The following SARDH variants were observed in gnomAD, a reference collection of about 807,000 sequenced individuals.
The protein encoded by SARDH is sarcosine dehydrogenase, mitochondrial.
In SARDH, 95 loss-of-function variants were observed where a neutral mutation model predicts 109.1. The observed-to-expected ratio is 0.87, with a 90% CI of 0.74 to 1.03. The LOEUF (loss-of-function observed/expected upper bound fraction) is 1.03. Among genes scored for constraint, SARDH ranks in the 50% least tolerant of loss-of-function variants. SARDH has a pLI of 0.00. For missense variants in SARDH, 1,267 were observed against 1,287.8 expected, an observed-to-expected ratio of 0.98 and a Z score of 0.25; for synonymous variants, 572 against 534.8, an observed-to-expected ratio of 1.07 and a Z score of -0.96.
upstream of SARDH, among the ~76,000 whole-genome samples, chr9:133,738,910 G>A (rs1218704248): frequency 6.6e-6 from 1 of 152,198 alleles, no homozygotes; most frequent in Non-Finnish European, 1.5e-5. Context: ...AGACCCCTCT[G>A]GTGTTTGGGG....
intron 20 of SARDH, 25 bp from the exon 21 acceptor site, chr9:133,664,039 A>G (rs1429581940): frequency 6.2e-7 from 1 of 1,612,914 alleles, no homozygotes; most frequent in East Asian, 2.2e-5. Context: ...GGGGATGAGG[A>G]TCACTCTCTG....
intron 17 of SARDH, among the ~76,000 whole-genome samples, chr9:133,683,841 C>A (rs566918203): frequency 6.6e-6 from 1 of 152,240 alleles, no homozygotes; most frequent in Non-Finnish European, 1.5e-5. Context: ...AAACCCCAGA[C>A]GAACATACAG....
At chr9:133,664,146 ACTCCTTTC>A in intron 20 of SARDH, 132 bp from the exon 21 acceptor site, 1 of 1,234,390 alleles carries the variant, frequency 8.1e-7, no homozygotes, top group Non-Finnish European at 1.1e-6. Context: ...TGTGCCAGGG[ACTCCTTTC>A]TGAACCCAGG....
chr9:133,708,374 A>G lies in SARDH; in HGVS notation c.1383T>C (p.His461=). 6.2e-7 allele frequency: 1 copy of G among 1,613,074 alleles called. No individual in the cohort carries two copies. The highest frequency in any genetic ancestry group is 1.1e-5 in the South Asian group (1 of 91,060). ...CGGAGTAGTTCTTGGCGTAGGACTC[A>G]TGGCTTCGCTCTCGGATCCAGCGGG... ...DHPRWIRERS[H]ESYAKNYSVV... is the part of the protein sequence containing the mutation. Residue 461 remains histidine (H), a synonymous_variant, in exon 11 of 21, where the codon CAT becomes CAC. Coordinates refer to ENST00000439388, the MANE Select transcript of SARDH (RefSeq NM_001134707.2).
At chr9:133,685,171 G>A (rs980036362) in intron 17 of SARDH, 22 bp downstream of exon 17, 2 of 1,609,590 alleles carry the variant, frequency 1.2e-6, no homozygotes, top group Non-Finnish European at 1.7e-6. Flanking sequence ...CGACCCAGAG[G>A]ACGTGGCCAG....
At chr9:133,702,392 A>T (rs1280992725) in intron 13 of SARDH, among the ~76,000 whole-genome samples, 1 of 152,196 alleles carries the variant, frequency 6.6e-6, no homozygotes, top group Non-Finnish European at 1.5e-5. Context: ...CCCACTTTGG[A>T]GCCAGAGGAA....
Position 133,709,256 on chromosome 9 carries a change from C to G in SARDH, c.1329-828G>C, listed in dbSNP as rs944488449. Among the ~76,000 whole-genome samples, 3 of 152,174 alleles carry G rather than the reference C, an allele frequency of 2.0e-5. No homozygotes were observed. The highest frequency in any genetic ancestry group is 2.4e-5 in the African/African-American group (1 of 41,438). On this transcript the variant is annotated intron_variant, in intron 10 of 20. Coordinates refer to ENST00000439388, the MANE Select transcript of SARDH (RefSeq NM_001134707.2). The surrounding 1 kb of genome is among the most constrained non-coding windows in gnomAD (Gnocchi z 4.2). Reference sequence around the variant, plus strand: ...CTACGGAGCTCTGTGGCTGCACCTGCGGCCTAGGCCTCTGCTGCCCCTGAG... The same window carrying G: ...CTACGGAGCTCTGTGGCTGCACCTGGGGCCTAGGCCTCTGCTGCCCCTGAG...
rs1831147625 is a variant in SARDH at position 133,692,781 on chromosome 9, A to AGGGAACG, written c.1921+1476_1921+1477insCGTTCCC. Among the ~76,000 whole-genome samples, 1 of 152,124 alleles carries AGGGAACG rather than the reference A, an allele frequency of 6.6e-6. No individual in the cohort carries two copies. Among genetic ancestry groups the AGGGAACG allele is most frequent in the African/African-American group, 2.4e-5 (1 of 41,412 alleles). On this transcript the variant is annotated intron_variant, in intron 15 of 20. Coordinates refer to ENST00000439388, the MANE Select transcript of SARDH (RefSeq NM_001134707.2). The surrounding 1 kb of genome is among the most constrained non-coding windows in gnomAD (Gnocchi z 5.0). ...GTGATGACTGTTGAGGGAACGAGCG[A>AGGGAACG]AGGAACGAGCTCATGGATCCATGAG...
chr9:133,731,763 G>T (rs796755884), intron 3 of SARDH, among the ~76,000 whole-genome samples: 23 of 152,346 alleles, frequency 1.5e-4, no homozygotes, highest in African/African-American at 5.5e-4. Flanking sequence ...GCTCACTCAG[G>T]TGAAGTGGGG....
intron 17 of SARDH, among the ~76,000 whole-genome samples, chr9:133,681,639 G>T (rs1830698093): frequency 6.6e-6 from 1 of 152,200 alleles, no homozygotes; most frequent in South Asian, 2.1e-4. Flanking sequence ...AGTCTCTCGA[G>T]CGCTAGTGAG....
At chr9:133,731,250 A>T (rs2131505341) in intron 4 of SARDH, 55 bp downstream of exon 4, 3 of 1,594,092 alleles carry the variant, frequency 1.9e-6, no homozygotes, top group East Asian at 4.5e-5. Flanking sequence ...CAGGGTTCTA[A>T]GGCAGGAGGA....
chr9:133,701,181 C>T (rs551815731), intron 13 of SARDH, among the ~76,000 whole-genome samples: 2 of 152,210 alleles, frequency 1.3e-5, no homozygotes, highest in East Asian at 1.9e-4. Flanking sequence ...GCCTCATTGG[C>T]GGACTGGATT....
intron 17 of SARDH, among the ~76,000 whole-genome samples, chr9:133,683,386 C>G (rs1325071926): frequency 2.6e-5 from 4 of 152,222 alleles, no homozygotes; most frequent in Admixed American, 6.5e-5. Flanking sequence ...AGCACCTATG[C>G]CAAGCCTCAG....
rs1554763807 is a variant in SARDH at position 133,736,390 on chromosome 9, G to GTTGTTTGT, written c.-31+1856_-31+1863dup. ...TAAATTCTGTTTTGTTGTTGTTGTT[G>GTTGTTTGT]TTGTTTGTTTGTTTGTTTGTTTTGA... On this transcript the variant is annotated intron_variant, in intron 1 of 20. Coordinates refer to ENST00000439388, the MANE Select transcript of SARDH (RefSeq NM_001134707.2). Among the ~76,000 whole-genome samples the GTTGTTTGT allele has an allele frequency of 7.2e-3, 1,080 of 150,382 alleles. 6 individuals are homozygous for GTTGTTTGT. Among genetic ancestry groups the GTTGTTTGT allele is most frequent in the African/African-American group, 0.014 (557 of 41,038 alleles).
At chr9:133,660,814 G>T (rs1300360930), downstream of SARDH, among the ~76,000 whole-genome samples, 1 of 152,240 alleles carries the variant, frequency 6.6e-6, no homozygotes. Flanking sequence ...CAGCATAGGG[G>T]TGCCTGCCCG....
chr9:133,676,616 T>C (rs1187904883), intron 17 of SARDH, among the ~76,000 whole-genome samples: 1 of 151,610 alleles, frequency 6.6e-6, no homozygotes, highest in Non-Finnish European at 1.5e-5. Context: ...GACACAGAGA[T>C]GGGAATTCGG....
At position 133,666,992 on chromosome 9, in the gene SARDH, A is replaced by G; in HGVS notation, c.2496-122T>C. 7.4e-7 allele frequency: 1 copy of G among 1,345,024 alleles called. No individual in the cohort carries two copies. The highest frequency in any genetic ancestry group is 1.0e-6 in the Non-Finnish European group (1 of 968,314). The allele number at this position is 1,345,024 out of a possible 1,614,324, so 83.3% of individuals were successfully genotyped here. A position where few individuals can be genotyped will look rare whatever the true frequency, so the allele number is the denominator to read the frequency against. On this transcript the variant is annotated intron_variant, in intron 19 of 20. Transcript: ENST00000439388. This position sits in a 1 kb window ranked among gnomAD's most constrained non-coding sequence, Gnocchi z 5.2. ...CACCCAACCGTGGCTCCAGGCAGAT[A>G]GGGCTGGCCTACTAGGACTACGCTG...
chr9:133,702,617 C>G (rs1271283215), intron 13 of SARDH, among the ~76,000 whole-genome samples: 1 of 152,230 alleles, frequency 6.6e-6, no homozygotes, highest in Non-Finnish European at 1.5e-5. Context: ...AGGCTCAGAG[C>G]GGTGCAGCCC....
chr9:133,682,089 G>A (rs762252023), intron 17 of SARDH, among the ~76,000 whole-genome samples: 9 of 152,120 alleles, frequency 5.9e-5, no homozygotes, highest in Non-Finnish European at 1.3e-4. Flanking sequence ...CGACCTGGTG[G>A]GCCCAGCTCT....
Sources: gnomAD v4.1 joint callset for allele counts (sites outside exome capture counted in the v4.1 genomes callset) on GRCh38, gnomAD v4.1.1 for gene constraint, Gnocchi (gnomAD v3.1) non-coding constraint, MANE v1.5 for transcripts, NCBI Gene and HGNC (gene_info 2026-07-23, HGNC 2026-07-21) for gene names.